The following RHCE variants were observed in gnomAD, a reference collection of about 807,000 sequenced individuals.
The protein encoded by RHCE is Rh blood group CcEe antigens.
RHCE carries 22 observed loss-of-function variants against 43.8 expected under a neutral mutation model. The observed-to-expected ratio is 0.50, with a 90% CI of 0.36 to 0.72. The LOEUF (loss-of-function observed/expected upper bound fraction) is 0.72. Ranked by LOEUF, RHCE falls within the 30% of genes least tolerant of loss-of-function variation. RHCE has a pLI of 0.00. For synonymous variants in RHCE, 156 were observed against 210.7 expected (o/e 0.74, Z 2.25); for missense variants, 385 against 525.4 (o/e 0.73, Z 2.61).
intron 7 of RHCE, among the ~76,000 whole-genome samples, chr1:25,375,791 C>CTTT (rs1168607618): frequency 8.1e-6 from 1 of 123,448 alleles, no homozygotes; most frequent in Non-Finnish European, 1.6e-5. Context: ...CTCTCTCTCT[C>CTTT]TTTTTTTTTT....
intron 1 of RHCE, among the ~76,000 whole-genome samples, chr1:25,410,913 A>T (rs1415665187): frequency 6.6e-6 from 1 of 151,952 alleles, no homozygotes; most frequent in East Asian, 1.9e-4. Flanking sequence ...AACATGGTGA[A>T]ACCCCGTCTC....
chr1:25,429,239 T>C (rs1393415897), intron 1 of RHCE, among the ~76,000 whole-genome samples: 1 of 149,698 alleles, frequency 6.7e-6, no homozygotes, highest in Non-Finnish European at 1.5e-5. Context: ...TTTTTTTTTT[T>C]TTTTGAGACA....
At chr1:25,367,890 C>A (rs1645474332) in intron 9 of RHCE, among the ~76,000 whole-genome samples, 1 of 149,912 alleles carries the variant, frequency 6.7e-6, no homozygotes, top group African/African-American at 2.5e-5. Context: ...GGGAGGATCT[C>A]CTGAGCCTGG....
At chr1:25,425,784 C>G (rs544870074), upstream of RHCE, among the ~76,000 whole-genome samples, 20 of 152,330 alleles carry the variant, frequency 1.3e-4, no homozygotes, top group Admixed American at 2.6e-4. Context: ...GCCATGCCCT[C>G]CTACCTGAGT....
intron 4 of RHCE, among the ~76,000 whole-genome samples, chr1:25,391,373 G>C (rs1171668877): frequency 6.6e-6 from 1 of 152,054 alleles, no homozygotes; most frequent in Non-Finnish European, 1.5e-5. Context: ...TTTTAGTAGA[G>C]ATGGGGTTTC....
In RHCE at chr1:25,398,961, C is replaced by G. The variant is rs1571887042; in HGVS notation, c.486+3635G>C. 17 of 1,123,962 alleles carry G rather than the reference C, an allele frequency of 1.5e-5. No homozygotes were observed. The East Asian group carries it at 4.0e-4, about 26-fold the overall frequency. The allele number at this position is 1,123,962 out of a possible 1,614,324, so 69.6% of individuals were successfully genotyped here. ...CAGTGTTTTGCTCCCGGGTCTGCTT[C>G]CGGCTGCTTATTTGAATCCTTGCTC... On this transcript the variant is annotated intron_variant, in intron 3 of 9. Transcript: ENST00000294413.
chr1:25,373,488 ACT>A lies in RHCE; in HGVS notation c.1153+1859_1153+1860del, dbSNP rs1208310755. 7.9e-5 allele frequency among the ~76,000 whole-genome samples: 12 copies of A among 151,848 alleles called. No homozygotes were observed. The South Asian group carries it at 2.3e-3, about 29-fold the overall frequency. On this transcript the variant is annotated intron_variant, in intron 8 of 9. Transcript: ENST00000294413. Reference sequence around the variant, plus strand: ...ACTCCGCCTCTGCTTCTTCACACAGACTCTGCCAAAAGCTAAGGCCAGACATT... The same window carrying A: ...ACTCCGCCTCTGCTTCTTCACACAGACTGCCAAAAGCTAAGGCCAGACATT...
chr1:25,387,768 A>G (rs1457538880), intron 6 of RHCE, among the ~76,000 whole-genome samples: 4 of 152,296 alleles, frequency 2.6e-5, no homozygotes. Context: ...TGTTGCTGCA[A>G]ATGACAGGAT....
chr1:25,417,394 G>A (rs141754516), intron 1 of RHCE, among the ~76,000 whole-genome samples: 9 of 152,152 alleles, frequency 5.9e-5, no homozygotes, highest in African/African-American at 1.7e-4. Flanking sequence ...TAACCAACTC[G>A]TGCAGAAAAA....
At chr1:25,386,014 T>G (rs868232544) in intron 6 of RHCE, among the ~76,000 whole-genome samples, 170 bp from the exon 7 acceptor site, 1 of 152,140 alleles carries the variant, frequency 6.6e-6, no homozygotes, top group Non-Finnish European at 1.5e-5. Flanking sequence ...ATGGGGAGTT[T>G]GTTGAAATGA....
At chr1:25,374,131 T>G (rs573655879) in intron 8 of RHCE, among the ~76,000 whole-genome samples, 4 of 150,450 alleles carry the variant, frequency 2.7e-5, no homozygotes, top group African/African-American at 9.9e-5. Flanking sequence ...TGAATGTGTA[T>G]TTTCTTTTTT....
chr1:25,396,180 C>A (rs1267547614), intron 3 of RHCE, among the ~76,000 whole-genome samples: 3 of 152,072 alleles, frequency 2.0e-5, no homozygotes, highest in Non-Finnish European at 4.4e-5. Flanking sequence ...AAAGAACTGG[C>A]TCGAAACTTC....
chr1:25,372,774 A>G (rs2124318399), intron 8 of RHCE, among the ~76,000 whole-genome samples: 1 of 151,806 alleles, frequency 6.6e-6, no homozygotes, highest in East Asian at 1.9e-4. Flanking sequence ...TGGCTTCTTG[A>G]GGAACTTTCT....
chr1:25,396,367 T>C lies in RHCE; in HGVS notation c.487-4226A>G, dbSNP rs967804667. Among the ~76,000 whole-genome samples, 5 of 152,222 alleles carry C rather than the reference T, an allele frequency of 3.3e-5. No homozygotes were observed. The South Asian group carries it at 1.0e-3, about 32-fold the overall frequency. On this transcript the variant is annotated intron_variant, in intron 3 of 9. Coordinates refer to ENST00000294413, the MANE Select transcript of RHCE (RefSeq NM_020485.8). Reference sequence around the variant, plus strand: ...TGGTGAAATGAGAATAAGGTAATCATAATATATCAATGTCAATTTCTCATT... The same window carrying C: ...TGGTGAAATGAGAATAAGGTAATCACAATATATCAATGTCAATTTCTCATT...
intron 7 of RHCE, among the ~76,000 whole-genome samples, chr1:25,378,064 A>G (rs1162505575): frequency 1.3e-5 from 2 of 152,246 alleles, no homozygotes; most frequent in Non-Finnish European, 2.9e-5. Context: ...CAACTGTCCA[A>G]AAAGCATATT....
chr1:25,426,042 G>A (rs2042803126), intron 2 of RHCE, among the ~76,000 whole-genome samples: 1 of 152,318 alleles, frequency 6.6e-6, no homozygotes, highest in Non-Finnish European at 1.5e-5. Flanking sequence ...TCCTCATCTG[G>A]AAAGGCAGAA....
rs1331383310 is a variant in RHCE, at chr1:25,362,346, T to C, written c.*181A>G. ...AAACATTTATTTTAAACTTATTAAA[T>C]TGACTCTTAAACTAAGTTTTTAGTC... is the stretch of plus-strand genomic sequence containing the variant. On this transcript the variant is annotated 3_prime_UTR_variant, in exon 10 of 10. Transcript: ENST00000294413. 17 of 1,353,950 alleles carry C rather than the reference T, an allele frequency of 1.3e-5. No homozygotes were observed. The highest frequency in any genetic ancestry group is 1.0e-6 in the Non-Finnish European group (1 of 982,932). The allele number at this position is 1,353,950 out of a possible 1,614,324, so 83.9% of individuals were successfully genotyped here.
rs368223616 is a variant in RHCE, at chr1:25,371,944, C to T, written c.1154-1404G>A. ...GGCATGCAGGGTACAACCAGCATGA[C>T]GCAGTTATTAGCTTGAATTACTCAG... On this transcript the variant is annotated intron_variant, in intron 8 of 9. Transcript: ENST00000294413. Among the ~76,000 whole-genome samples, 8 of 148,204 alleles carry T rather than the reference C, an allele frequency of 5.4e-5. No individual in the cohort carries two copies. In the South Asian group the frequency reaches 6.2e-4, roughly 12 times the overall value.
At chr1:25,400,317 T>C (rs582675) in intron 3 of RHCE, among the ~76,000 whole-genome samples, 104 of 152,266 alleles carry the variant, frequency 6.8e-4, no homozygotes, top group African/African-American at 2.2e-3. Flanking sequence ...GGTCTCCTTG[T>C]CAAATCCAAT....
Sources: allele counts gnomAD v4.1 joint callset (sites outside exome capture counted in the v4.1 genomes callset), GRCh38; gene constraint gnomAD v4.1.1; transcripts MANE v1.5; gene names NCBI Gene and HGNC (gene_info 2026-07-23, HGNC 2026-07-21).